The following CACNA1E variants were observed in gnomAD, a reference collection of about 807,000 sequenced individuals.
CACNA1E encodes the protein calcium voltage-gated channel subunit alpha1 E.
CACNA1E carries 40 observed loss-of-function variants against 259.2 expected under a neutral mutation model. That is an observed-to-expected ratio of 0.15 (90% CI 0.12 to 0.20). CACNA1E has a LOEUF of 0.20. Among genes scored for constraint, CACNA1E ranks in the 10% least tolerant of loss-of-function variants. The probability of loss-of-function intolerance (pLI) is 1.00; values close to 1 mark genes in which losing one functional copy is unlikely to be tolerated. For missense variants in CACNA1E, 1,874 were observed against 3,040.1 expected, an observed-to-expected ratio of 0.62 and a Z score of 9.02; for synonymous variants, 1,104 against 1,138.5, an observed-to-expected ratio of 0.97 and a Z score of 0.61.
chr1:181,439,333 AT>A (rs10708641), intron 2 of CACNA1E, among the ~76,000 whole-genome samples: 81,008 of 147,830 alleles, frequency 0.55, 21,911 homozygotes, highest in Admixed American at 0.58. Flanking sequence ...CCAAATTTAG[AT>A]TTTTTTTTTT....
rs375491167 is a variant in CACNA1E, at chr1:181,798,601, G to A, written c.6709G>A (p.Glu2237Lys). Residue 2237 changes from glutamate to lysine, a missense_variant, in exon 48 of 48, where the codon GAA (glutamate) becomes AAA (lysine). Physicochemically the swap from Glu to Lys is moderately conservative, Grantham distance 56. Transcript: ENST00000367573. This position sits in a 1 kb window ranked among gnomAD's most constrained non-coding sequence, Gnocchi z 4.2. ...YISEPYLALH[E>K]DSHASDCGEE... is the part of the protein sequence containing the mutation. ...CTCCGAGCCCTACTTGGCCCTGCAC[G>A]AAGACTCCCACGCCTCAGACTGTGG... 5.0e-6 allele frequency: 8 copies of A among 1,613,132 alleles called. No homozygotes were observed. Among genetic ancestry groups the A allele is most frequent in the African/African-American group, 4.0e-5 (3 of 74,924 alleles).
intron 1 of CACNA1E, among the ~76,000 whole-genome samples, chr1:181,510,051 G>A (rs967563024): frequency 2.6e-5 from 4 of 152,312 alleles, no homozygotes; most frequent in South Asian, 2.1e-4. Flanking sequence ...CACAAGCATC[G>A]TTACCCAGTT....
chr1:181,480,350 C>G (rs975280682), upstream of CACNA1E, among the ~76,000 whole-genome samples: 7 of 152,220 alleles, frequency 4.6e-5, no homozygotes, highest in African/African-American at 1.7e-4. Context: ...TGGCTGCACC[C>G]TCCAAGAATT....
intron 25 of CACNA1E, among the ~76,000 whole-genome samples, chr1:181,742,256 CAGAG>C (rs933740603): frequency 2.0e-5 from 3 of 152,170 alleles, no homozygotes; most frequent in Non-Finnish European, 4.4e-5. Flanking sequence ...CACCTGCCAG[CAGAG>C]AGAGGGCCTG....
At chr1:181,695,378 C>A (rs1404684459) in intron 7 of CACNA1E, among the ~76,000 whole-genome samples, 1 of 152,014 alleles carries the variant, frequency 6.6e-6, no homozygotes. Flanking sequence ...ACAGATGATT[C>A]AAAACTTGAT....
intron 6 of CACNA1E, among the ~76,000 whole-genome samples, chr1:181,641,719 T>G (rs1291401943): frequency 1.2e-4 from 17 of 141,980 alleles, no homozygotes; most frequent in South Asian, 4.6e-4. Flanking sequence ...TTTTTTTTTT[T>G]TTTTTTTTTT....
chr1:181,599,144 G>T (rs561548888), intron 6 of CACNA1E, among the ~76,000 whole-genome samples: 1 of 151,560 alleles, frequency 6.6e-6, no homozygotes, highest in East Asian at 1.9e-4. Context: ...CCCAGTGTGT[G>T]TTGTTCCCCC....
intron 1 of CACNA1E, among the ~76,000 whole-genome samples, chr1:181,353,980 A>G (rs1345582574): frequency 6.6e-6 from 1 of 152,198 alleles, no homozygotes; most frequent in Non-Finnish European, 1.5e-5. Context: ...AGGTTTCCAC[A>G]CATTTTAGTA....
intron 2 of CACNA1E, among the ~76,000 whole-genome samples, chr1:181,432,769 A>G (rs910670080): frequency 1.3e-5 from 2 of 152,206 alleles, no homozygotes; most frequent in African/African-American, 4.8e-5. Context: ...GCTCAGTTTT[A>G]TCATCTGTAA....
At chr1:181,707,501 G>C in intron 7 of CACNA1E, among the ~76,000 whole-genome samples, 1 of 152,190 alleles carries the variant, frequency 6.6e-6, no homozygotes, top group Non-Finnish European at 1.5e-5. Flanking sequence ...GAAGAGGTTA[G>C]ATAAAGGGAG....
rs114651006 is a variant in CACNA1E at position 181,498,226 on chromosome 1, G to A, written c.267-12251G>A. 8.9e-3 allele frequency among the ~76,000 whole-genome samples: 1,354 copies of A among 152,240 alleles called. 21 individuals carry two copies. Among genetic ancestry groups the A allele is most frequent in the African/African-American group, 0.03 (1,241 of 41,528 alleles). ...AGCTTTTTAAGGAAATGAGGGTTGGGTTATAGAGAGACTGCAGAAAGACTC... is the reference window on the plus strand; with the variant it reads ...AGCTTTTTAAGGAAATGAGGGTTGGATTATAGAGAGACTGCAGAAAGACTC... On this transcript the variant is annotated intron_variant, in intron 1 of 47. Transcript: ENST00000367573.
At chr1:181,364,256 C>T (rs983089880) in intron 1 of CACNA1E, among the ~76,000 whole-genome samples, 2 of 152,206 alleles carry the variant, frequency 1.3e-5, no homozygotes, top group Non-Finnish European at 2.9e-5. Context: ...CCATCCTAAG[C>T]GCCTTTGTCC....
intron 25 of CACNA1E, chr1:181,745,463 C>A: frequency 2.7e-6 from 1 of 372,364 alleles, no homozygotes; most frequent in South Asian, 2.3e-5. Context: ...ACACGGTAAC[C>A]AACAACCAAC....
chr1:181,568,414 A>G (rs1281444585), intron 3 of CACNA1E, among the ~76,000 whole-genome samples: 1 of 152,190 alleles, frequency 6.6e-6, no homozygotes, highest in Non-Finnish European at 1.5e-5. Context: ...TAAAAGACCA[A>G]TAGTTAATCA....
intron 2 of CACNA1E, among the ~76,000 whole-genome samples, chr1:181,435,418 C>A (rs1660025483): frequency 6.6e-6 from 1 of 152,212 alleles, no homozygotes; most frequent in Non-Finnish European, 1.5e-5. Context: ...CAGCAAGGTA[C>A]CATTTCCTTG....
rs1662700932 is a variant in CACNA1E at position 181,807,326 on chromosome 1, T to A, written c.*8492T>A. 6.6e-6 allele frequency: 1 copy of A among 152,068 alleles called. No homozygotes were observed. Among genetic ancestry groups the A allele is most frequent in the African/African-American group, 2.4e-5 (1 of 41,380 alleles). 9.4% of individuals were successfully genotyped at this position (152,068 alleles called of 1,614,324 possible). ...AACAGGGCTCTGTGACCAGAAAAAC[T>A]ATGACCAGCCTCCTCTGAAAAAAGG... On this transcript the variant is annotated 3_prime_UTR_variant, in exon 48 of 48. Transcript: ENST00000367573.
intron 1 of CACNA1E, among the ~76,000 whole-genome samples, chr1:181,398,382 A>G (rs111979667): frequency 1.4e-3 from 218 of 152,348 alleles, no homozygotes; most frequent in Admixed American, 4.2e-3. Flanking sequence ...TAAGCTTTGT[A>G]GCTTAGGAAG....
At chr1:181,421,270 C>T (rs1658721904) in intron 2 of CACNA1E, among the ~76,000 whole-genome samples, 1 of 152,162 alleles carries the variant, frequency 6.6e-6, no homozygotes, top group African/African-American at 2.4e-5. Context: ...ACTTTGTAAC[C>T]TCCGCATTTT....
chr1:181,661,749 A>G (rs560305545), intron 7 of CACNA1E, among the ~76,000 whole-genome samples: 1 of 152,336 alleles, frequency 6.6e-6, no homozygotes, highest in East Asian at 1.9e-4. Flanking sequence ...TAATCCTCAC[A>G]GTGACCATAT....
Sources: allele counts gnomAD v4.1 joint callset (sites outside exome capture counted in the v4.1 genomes callset), GRCh38; gene constraint gnomAD v4.1.1; non-coding constraint Gnocchi (gnomAD v3.1); transcripts MANE v1.5; gene names NCBI Gene and HGNC (gene_info 2026-07-23, HGNC 2026-07-21).